GPC5: variants seen among roughly 807,000 people sequenced by gnomAD.
The protein encoded by GPC5 is glypican-5.
In GPC5, 47 loss-of-function variants were observed where a neutral mutation model predicts 53.9. The observed-to-expected ratio is 0.87, with a 90% confidence interval of 0.69 to 1.11. The LOEUF is 1.11. Ranked by LOEUF, GPC5 falls within the 50% of genes most tolerant of loss-of-function variation. The pLI is 0.00. For synonymous variants in GPC5, 286 were observed against 263.3 expected (o/e 1.09, Z -0.84); for missense variants, 748 against 713.1 (o/e 1.05, Z -0.56).
intron 2 of GPC5, among the ~76,000 whole-genome samples, chr13:91,510,905 G>A (rs1885199242): frequency 6.6e-6 from 1 of 151,774 alleles, no homozygotes; most frequent in African/African-American, 2.4e-5. Flanking sequence ...GAATTAATGA[G>A]GCTTATCTTA....
chr13:92,571,696 T>G (rs567901784), intron 7 of GPC5, among the ~76,000 whole-genome samples: 1 of 152,196 alleles, frequency 6.6e-6, no homozygotes, highest in Admixed American at 6.6e-5. Context: ...AATATGAAAC[T>G]GCATTCCAAA....
intron 7 of GPC5, among the ~76,000 whole-genome samples, chr13:92,520,307 C>T (rs1157797003): frequency 6.6e-6 from 1 of 152,094 alleles, no homozygotes; most frequent in Non-Finnish European, 1.5e-5. Flanking sequence ...GATACCAAAG[C>T]CTGGCAGAGA....
At chr13:92,384,535 CAT>C (rs1296811658) in intron 7 of GPC5, among the ~76,000 whole-genome samples, 3 of 152,100 alleles carry the variant, frequency 2.0e-5, no homozygotes, top group Non-Finnish European at 4.4e-5. Context: ...TTTGCTGAAA[CAT>C]AAATATCTCA....
intron 2 of GPC5, among the ~76,000 whole-genome samples, chr13:91,634,197 T>C (rs951919082): frequency 7.2e-5 from 11 of 152,066 alleles, no homozygotes; most frequent in African/African-American, 2.7e-4. Flanking sequence ...CAATAATCTA[T>C]TTCTAAAATT....
chr13:91,547,806 C>T (rs2030382532), intron 2 of GPC5, among the ~76,000 whole-genome samples: 1 of 152,080 alleles, frequency 6.6e-6, no homozygotes, highest in Non-Finnish European at 1.5e-5. Context: ...CTCAGGTATG[C>T]ACCGTTGGTT....
chr13:91,761,366 G>A (rs57666164), intron 5 of GPC5, among the ~76,000 whole-genome samples: 4 of 151,726 alleles, frequency 2.6e-5, no homozygotes, highest in Non-Finnish European at 5.9e-5. Context: ...AAATTGTGGG[G>A]TTTTTTTTCA....
chr13:92,614,513 A>G (rs1407407559), intron 7 of GPC5, among the ~76,000 whole-genome samples: 1 of 152,222 alleles, frequency 6.6e-6, no homozygotes, highest in Non-Finnish European at 1.5e-5. Context: ...AATTCAAACC[A>G]GAGTAAGTTG....
At chr13:91,557,434 G>A (rs2138879498) in intron 2 of GPC5, among the ~76,000 whole-genome samples, 1 of 151,850 alleles carries the variant, frequency 6.6e-6, no homozygotes, top group African/African-American at 2.4e-5. Flanking sequence ...CATCTATTTT[G>A]TACCTGCCTC....
At chr13:92,700,864 T>C (rs572334090) in intron 7 of GPC5, among the ~76,000 whole-genome samples, 71 of 152,218 alleles carry the variant, frequency 4.7e-4, no homozygotes, top group African/African-American at 1.6e-3. Context: ...GCTGCAAAAT[T>C]TTCCATTCAG....
rs1245900251 is a variant in GPC5 at position 91,636,396 on chromosome 13, TTA to T, written c.326-56789_326-56788del. 7.2e-5 allele frequency among the ~76,000 whole-genome samples: 11 copies of T among 151,754 alleles called. No homozygotes were observed. The East Asian group carries it at 7.7e-4, about 11-fold the overall frequency. On this transcript the variant is annotated intron_variant, in intron 2 of 7. Coordinates refer to ENST00000377067, the MANE Select transcript of GPC5 (RefSeq NM_004466.6). ...ATTATATAAATATATTTTACATACA[TTA>T]TGTGTGTGTGTATATACACGTGTGT...
At chr13:92,697,050 G>A (rs1000867327) in intron 7 of GPC5, among the ~76,000 whole-genome samples, 4 of 151,500 alleles carry the variant, frequency 2.6e-5, no homozygotes, top group African/African-American at 9.7e-5. Flanking sequence ...CTGTTCCATT[G>A]GTCTATATAT....
intron 7 of GPC5, among the ~76,000 whole-genome samples, chr13:92,323,330 T>C (rs1345120390): frequency 6.9e-6 from 1 of 144,074 alleles, no homozygotes; most frequent in African/African-American, 2.5e-5. Context: ...ACAACATACA[T>C]ATATAAAAAT....
At chr13:92,045,131 C>G (rs2040971727) in intron 6 of GPC5, among the ~76,000 whole-genome samples, 1 of 152,140 alleles carries the variant, frequency 6.6e-6, no homozygotes, top group Non-Finnish European at 1.5e-5. Context: ...ACTTGTACCC[C>G]CCAAAACTGC....
intron 2 of GPC5, among the ~76,000 whole-genome samples, chr13:91,523,158 A>G (rs747588931): frequency 4.6e-5 from 7 of 152,190 alleles, no homozygotes; most frequent in African/African-American, 9.7e-5. Context: ...GTAAATTGGT[A>G]TGGTCATTTT....
chr13:91,723,561 G>T (rs963834795), intron 3 of GPC5, among the ~76,000 whole-genome samples: 1 of 150,070 alleles, frequency 6.7e-6, no homozygotes, highest in South Asian at 2.1e-4. Context: ...TAATCATCCC[G>T]ATTACTAGGT....
rs576857902 is a variant in GPC5, at chr13:91,894,756, A to G, written c.1281-13181A>G. Among the ~76,000 whole-genome samples, 36 of 152,298 alleles carry G rather than the reference A, an allele frequency of 2.4e-4. 1 individual carries two copies. Among genetic ancestry groups the G allele is most frequent in the African/African-American group, 8.4e-4 (35 of 41,574 alleles). ...AAGAACCAATCATTTGCAGACATCCATCACTAATAAAATGAAACCCAAATC... is the reference window on the plus strand; with the variant it reads ...AAGAACCAATCATTTGCAGACATCCGTCACTAATAAAATGAAACCCAAATC... On this transcript the variant is annotated intron_variant, in intron 5 of 7. Transcript: ENST00000377067.
At chr13:92,423,615 G>T (rs1397999101) in intron 7 of GPC5, among the ~76,000 whole-genome samples, 1 of 152,142 alleles carries the variant, frequency 6.6e-6, no homozygotes, top group Non-Finnish European at 1.5e-5. Flanking sequence ...ACCTGATGCT[G>T]CTATTAGTTT....
intron 2 of GPC5, among the ~76,000 whole-genome samples, chr13:91,636,700 A>G (rs1287495788): frequency 2.0e-5 from 3 of 152,118 alleles, no homozygotes; most frequent in Admixed American, 2.0e-4. Context: ...CATGCCCGTA[A>G]TCCCAGTGCT....
intron 5 of GPC5, among the ~76,000 whole-genome samples, chr13:91,787,454 T>A (rs1264073131): frequency 6.6e-6 from 1 of 152,190 alleles, no homozygotes; most frequent in Non-Finnish European, 1.5e-5. Flanking sequence ...TTTGTTAATA[T>A]GGTGAATTAC....
Sources: gnomAD v4.1 joint callset for allele counts (sites outside exome capture counted in the v4.1 genomes callset) on GRCh38, gnomAD v4.1.1 for gene constraint, MANE v1.5 for transcripts, NCBI Gene and HGNC (gene_info 2026-07-23, HGNC 2026-07-21) for gene names.